Variants in ATOSB observed in about 807,000 individuals in gnomAD.
ATOSB encodes atos homolog B, also known as atos homolog protein B.
the ATOSB span, chr9:35,107,489 A>T: frequency 1.9e-6 from 3 of 1,608,794 alleles, no homozygotes; most frequent in Non-Finnish European, 2.5e-6. Flanking sequence ...GGCGCCTCCG[A>T]GGGGCTGGCC....
the ATOSB span, chr9:35,104,953 AAAAT>A: frequency 3.1e-6 from 1 of 326,966 alleles, no homozygotes; most frequent in East Asian, 5.3e-5. Context: ...GGAACTTGAG[AAAAT>A]CTCAGGGTAG....
the ATOSB span, chr9:35,108,278 G>A: frequency 6.5e-7 from 1 of 1,539,458 alleles, no homozygotes; most frequent in Non-Finnish European, 8.7e-7. Context: ...GGCGCATGAA[G>A]CCCCCCTTGG....
At chr9:35,107,448 T>C in the ATOSB span, 12 of 1,613,492 alleles carry the variant, frequency 7.4e-6, no homozygotes, top group Non-Finnish European at 1.0e-5. Context: ...ATCAGAACTG[T>C]TGGCAGCAGT....
chr9:35,106,168 A>G, the ATOSB span: 1 of 1,578,136 alleles, frequency 6.3e-7, no homozygotes, highest in Non-Finnish European at 8.7e-7. The surrounding 1 kb of genome is among the most constrained non-coding windows in gnomAD (Gnocchi z 4.6). Context: ...AGGAATAAGT[A>G]AGAAATACCT....
chr9:35,106,210 T>C, the ATOSB span: 12 of 1,610,886 alleles, frequency 7.4e-6, no homozygotes, highest in Admixed American at 1.3e-4. The surrounding 1 kb of genome is among the most constrained non-coding windows in gnomAD (Gnocchi z 4.6). Context: ...CAAATCCTCA[T>C]CCTCTTGATG....
At chr9:35,107,683 C>A in the ATOSB span, 4 of 1,609,464 alleles carry the variant, frequency 2.5e-6, no homozygotes, top group South Asian at 1.1e-5. Context: ...GGGCTCTTAC[C>A]CCCTATTTGT....
the ATOSB span, chr9:35,107,471 G>A: frequency 9.3e-6 from 15 of 1,611,202 alleles, no homozygotes; most frequent in Non-Finnish European, 1.2e-5. Flanking sequence ...GGTGGCCCAG[G>A]GATCCCCGGC....
At chr9:35,105,360 C>T in the ATOSB span, 6 of 1,611,614 alleles carry the variant, frequency 3.7e-6, no homozygotes, top group Non-Finnish European at 5.1e-6. The surrounding 1 kb of genome is among the most constrained non-coding windows in gnomAD (Gnocchi z 5.5). Context: ...GCGGCCTGAG[C>T]GGGAGCTCCG....
the ATOSB span, chr9:35,107,327 A>G: frequency 1.3e-6 from 2 of 1,485,658 alleles, no homozygotes; most frequent in South Asian, 1.4e-5. Flanking sequence ...CTCAAAAAAA[A>G]AAAAAAAAAA....
the ATOSB span, chr9:35,105,888 C>A: frequency 6.2e-7 from 1 of 1,613,796 alleles, no homozygotes; most frequent in Non-Finnish European, 8.5e-7. This position sits in a 1 kb window ranked among gnomAD's most constrained non-coding sequence, Gnocchi z 5.5. Context: ...GTTGGTAGGG[C>A]CTGAGGGCTG....
chr9:35,105,377 G>A, the ATOSB span: 2 of 1,608,016 alleles, frequency 1.2e-6, no homozygotes, highest in South Asian at 1.1e-5. This position sits in a 1 kb window ranked among gnomAD's most constrained non-coding sequence, Gnocchi z 5.5. Context: ...TCCGGAACCT[G>A]GAGGAGGACA....
chr9:35,112,606 CT>C, the ATOSB span, among the ~76,000 whole-genome samples: 63 of 152,340 alleles, frequency 4.1e-4, no homozygotes, highest in South Asian at 0.013. Flanking sequence ...TTCAAAGACA[CT>C]TTCTAGAGGG....
the ATOSB span, chr9:35,108,089 A>T: frequency 6.5e-7 from 1 of 1,540,696 alleles, no homozygotes; most frequent in South Asian, 1.3e-5. Context: ...GGGCCCTATG[A>T]GGCTCAGAGG....
At chr9:35,106,702 T>G in the ATOSB span, 8 of 1,473,816 alleles carry the variant, frequency 5.4e-6, no homozygotes, top group Non-Finnish European at 7.4e-6. This position sits in a 1 kb window ranked among gnomAD's most constrained non-coding sequence, Gnocchi z 4.6. Context: ...TTCCTGCTTA[T>G]GCCCTTGGAC....
chr9:35,105,804 G>T, the ATOSB span: 1 of 1,614,160 alleles, frequency 6.2e-7, no homozygotes, highest in East Asian at 2.2e-5. This position sits in a 1 kb window ranked among gnomAD's most constrained non-coding sequence, Gnocchi z 5.5. Flanking sequence ...TGTCCGAGAA[G>T]TCAAAGGTCA....
chr9:35,113,352 A>G, the ATOSB span, among the ~76,000 whole-genome samples: 2 of 152,166 alleles, frequency 1.3e-5, no homozygotes, highest in African/African-American at 4.8e-5. Flanking sequence ...ACCACCAGGT[A>G]CGGTGGCTCA....
the ATOSB span, chr9:35,106,212 C>A: frequency 6.2e-7 from 1 of 1,611,546 alleles, no homozygotes; most frequent in Non-Finnish European, 8.5e-7. The surrounding 1 kb of genome is among the most constrained non-coding windows in gnomAD (Gnocchi z 4.6). Context: ...AATCCTCATC[C>A]TCTTGATGAG....
chr9:35,106,395 C>T, the ATOSB span: 1 of 1,614,200 alleles, frequency 6.2e-7, no homozygotes, highest in Non-Finnish European at 8.5e-7. This position sits in a 1 kb window ranked among gnomAD's most constrained non-coding sequence, Gnocchi z 4.6. Context: ...GCAAAACGTC[C>T]TCGCAGCAAT....
At chr9:35,106,215 TTGA>T in the ATOSB span, 1 of 1,611,918 alleles carries the variant, frequency 6.2e-7, no homozygotes, top group South Asian at 1.1e-5. The surrounding 1 kb of genome is among the most constrained non-coding windows in gnomAD (Gnocchi z 4.6). Context: ...CCTCATCCTC[TTGA>T]TGAGCTGACT....
Sources: allele counts gnomAD v4.1 joint callset (sites outside exome capture counted in the v4.1 genomes callset), GRCh38; gene constraint gnomAD v4.1.1; non-coding constraint Gnocchi (gnomAD v3.1); transcripts MANE v1.5; gene names NCBI Gene and HGNC (gene_info 2026-07-23, HGNC 2026-07-21).